LPP: variants seen among roughly 807,000 people sequenced by gnomAD.
LPP encodes the protein LIM domain containing preferred translocation partner in lipoma.
A neutral mutation model predicts 60.4 loss-of-function variants in LPP; 38 were observed. The observed-to-expected ratio is 0.63, with a 90% CI of 0.49 to 0.83. The LOEUF is 0.83. Ranked by LOEUF, LPP falls within the 40% of genes least tolerant of loss-of-function variation. LPP has a pLI of 0.00. For missense variants in LPP, 902 were observed against 783.6 expected, an observed-to-expected ratio of 1.15 and a Z score of -1.80; for synonymous variants, 328 against 290.8, an observed-to-expected ratio of 1.13 and a Z score of -1.30.
At chr3:188,631,223 A>G (rs1169752978) in intron 7 of LPP, among the ~76,000 whole-genome samples, 1 of 152,204 alleles carries the variant, frequency 6.6e-6, no homozygotes, top group Non-Finnish European at 1.5e-5. Context: ...AAAAAAAATT[A>G]TCTTTCTTCT....
intron 6 of LPP, among the ~76,000 whole-genome samples, chr3:188,541,285 G>A (rs1428707951): frequency 6.6e-6 from 1 of 152,174 alleles, no homozygotes; most frequent in African/African-American, 2.4e-5. Flanking sequence ...TAGGGCTGGA[G>A]TGAGGCTCAA....
intron 2 of LPP, among the ~76,000 whole-genome samples, chr3:188,336,177 A>G (rs956788938): frequency 6.6e-6 from 1 of 152,136 alleles, no homozygotes; most frequent in African/African-American, 2.4e-5. Context: ...CAGATATCAC[A>G]TGACCTACAA....
At chr3:188,748,500 C>T (rs1042851117) in intron 8 of LPP, among the ~76,000 whole-genome samples, 2 of 152,070 alleles carry the variant, frequency 1.3e-5, no homozygotes, top group Non-Finnish European at 2.9e-5. Context: ...TAATAAACAA[C>T]AGGCCGGGCA....
chr3:188,252,043 T>TCCTG (rs1271661910), intron 2 of LPP, among the ~76,000 whole-genome samples: 1 of 79,488 alleles, frequency 1.3e-5, no homozygotes, highest in Non-Finnish European at 2.4e-5. Context: ...TATATATATA[T>TCCTG]ATATATATAT....
chr3:188,684,497 G>A (rs893721753), intron 7 of LPP, among the ~76,000 whole-genome samples: 1 of 152,134 alleles, frequency 6.6e-6, no homozygotes, highest in African/African-American at 2.4e-5. Context: ...AAACTCATAG[G>A]TGAGTCAGGT....
intron 9 of LPP, among the ~76,000 whole-genome samples, chr3:188,858,167 A>G (rs1398889584): frequency 8.5e-5 from 13 of 152,190 alleles, no homozygotes; most frequent in Admixed American, 8.5e-4. Flanking sequence ...GAGTTAATAA[A>G]TCTTCACATG....
chr3:188,585,760 TTA>T (rs1455077858), intron 6 of LPP, among the ~76,000 whole-genome samples: 1 of 152,276 alleles, frequency 6.6e-6, no homozygotes, highest in South Asian at 2.1e-4. Flanking sequence ...TGTATTTGTT[TTA>T]TGTCTGAAGT....
chr3:188,750,344 A>C (rs1186388240), intron 8 of LPP, among the ~76,000 whole-genome samples: 3 of 152,206 alleles, frequency 2.0e-5, no homozygotes, highest in Non-Finnish European at 4.4e-5. Context: ...TTGGTTTACT[A>C]TCCAAGCCAG....
At chr3:188,212,216 T>C (rs1445240823) in intron 1 of LPP, among the ~76,000 whole-genome samples, 1 of 152,190 alleles carries the variant, frequency 6.6e-6, no homozygotes, top group Non-Finnish European at 1.5e-5. Flanking sequence ...TAAATTCTTG[T>C]GACCTTTTCA....
intron 3 of LPP, among the ~76,000 whole-genome samples, chr3:188,389,853 G>A (rs1283254561): frequency 1.3e-5 from 2 of 150,072 alleles, no homozygotes; most frequent in African/African-American, 5.0e-5. Flanking sequence ...TGGGTGAGTT[G>A]TTGCCTGAAT....
At chr3:188,667,582 T>C (rs1390092939) in intron 7 of LPP, among the ~76,000 whole-genome samples, 1 of 151,318 alleles carries the variant, frequency 6.6e-6, no homozygotes, top group Non-Finnish European at 1.5e-5. Context: ...ATCTTCCAGA[T>C]GTGGGAACTG....
Position 188,878,621 on chromosome 3 carries a change from ACAAT to A in LPP, c.*4145_*4148del, listed in dbSNP as rs1769525336. ...CTCGTTTGGTGCACTCTCGTGGGAG[ACAAT>A]CAGAGAACAACATATACTTGTGCCT... On this transcript the variant is annotated 3_prime_UTR_variant, in exon 12 of 12. Transcript: ENST00000617246. 1 of 208,096 alleles carries A rather than the reference ACAAT, an allele frequency of 4.8e-6. No individual in the cohort carries two copies. The highest frequency in any genetic ancestry group is 9.8e-6 in the Non-Finnish European group (1 of 101,832). The allele number at this position is 208,096 out of a possible 1,614,324, so 12.9% of individuals were successfully genotyped here.
chr3:188,529,194 C>A (rs1821480937), intron 6 of LPP, among the ~76,000 whole-genome samples: 1 of 152,172 alleles, frequency 6.6e-6, no homozygotes, highest in African/African-American at 2.4e-5. Context: ...TAATCACACA[C>A]TTAAAATATT....
At chr3:188,369,449 A>G (rs917495121) in intron 3 of LPP, among the ~76,000 whole-genome samples, 7 of 152,160 alleles carry the variant, frequency 4.6e-5, no homozygotes, top group Admixed American at 3.3e-4. Flanking sequence ...TTGGAACCAC[A>G]TGTGGCCTAG....
chr3:188,451,672 A>G (rs146769787), intron 4 of LPP, among the ~76,000 whole-genome samples: 2 of 152,294 alleles, frequency 1.3e-5, no homozygotes, highest in African/African-American at 4.8e-5. Context: ...GAGCTCTGGT[A>G]TATAACGGGG....
intron 4 of LPP, among the ~76,000 whole-genome samples, chr3:188,448,067 A>G (rs1795690413): frequency 6.6e-6 from 1 of 152,202 alleles, no homozygotes. Context: ...AATTTTTATA[A>G]CAGGGTCTAT....
chr3:188,216,091 C>A (rs1439257828), intron 1 of LPP, among the ~76,000 whole-genome samples: 3 of 152,128 alleles, frequency 2.0e-5, no homozygotes, highest in Non-Finnish European at 1.5e-5. Context: ...CCCACTTTCT[C>A]ACTTAAATCA....
In LPP at chr3:188,524,655, C is replaced by T; in HGVS notation, c.307-10C>T. ...TTCCTTTGTTAACATGTCTGTGTTG[C>T]TTCCAACAGGGGAATCCCGGAGGCA... On this transcript the variant is annotated splice_polypyrimidine_tract_variant and intron_variant, in intron 5 of 11. Transcript: ENST00000617246. 5 of 1,611,340 alleles carry T rather than the reference C, an allele frequency of 3.1e-6. No homozygotes were observed. In the South Asian group the frequency reaches 4.4e-5, roughly 14 times the overall value.
At chr3:188,158,363 A>G (rs529179450) in intron 1 of LPP, among the ~76,000 whole-genome samples, 99 of 152,288 alleles carry the variant, frequency 6.5e-4, no homozygotes, top group African/African-American at 2.1e-3. Flanking sequence ...TTGAGGGAAC[A>G]TATGAGGCGG....
Sources: gnomAD v4.1 joint callset for allele counts (sites outside exome capture counted in the v4.1 genomes callset) on GRCh38, gnomAD v4.1.1 for gene constraint, MANE v1.5 for transcripts, NCBI Gene and HGNC (gene_info 2026-07-23, HGNC 2026-07-21) for gene names.